Variants in UBE2E1 observed in about 807,000 individuals in gnomAD.
The protein encoded by UBE2E1 is ubiquitin-conjugating enzyme E2 E1.
A neutral mutation model predicts 21.4 loss-of-function variants in UBE2E1; 6 were observed. The ratio of observed to expected loss-of-function variants is 0.28; its 90% confidence interval spans 0.15 to 0.55. The LOEUF (loss-of-function observed/expected upper bound fraction) is 0.55. UBE2E1 is among the 20% of genes least tolerant of loss of function. UBE2E1 has a pLI of 0.93. For missense variants in UBE2E1, 142 were observed against 236.5 expected, an observed-to-expected ratio of 0.60 and a Z score of 2.62; for synonymous variants, 87 against 82.7, an observed-to-expected ratio of 1.05 and a Z score of -0.28.
In UBE2E1 at chr3:23,887,598, T is replaced by C; in HGVS notation, c.235T>C (p.Trp79Arg). 1 of 1,613,146 alleles carries C rather than the reference T, an allele frequency of 6.2e-7. No homozygotes were observed. Residue 79 changes from tryptophan to arginine, a missense_variant, in exon 4 of 6, where the codon TGG becomes CGG. Transcript: ENST00000306627. The surrounding 1 kb of genome is among the most constrained non-coding windows in gnomAD (Gnocchi z 4.4). ...AGPKGDNIYE[W>R]RSTILGPPGS... ...TCCCAAAGGCGATAACATCTATGAA[T>C]GGAGATCAACCATTCTAGGGCCTCC...
intron 3 of UBE2E1, among the ~76,000 whole-genome samples, chr3:23,862,766 C>T (rs1269453748): frequency 6.6e-6 from 1 of 152,104 alleles, no homozygotes; most frequent in Non-Finnish European, 1.5e-5. Flanking sequence ...TGCTCTGTCA[C>T]CCAGGTTGGC....
At chr3:23,844,246 C>G (rs1700149800) in intron 3 of UBE2E1, among the ~76,000 whole-genome samples, 1 of 152,090 alleles carries the variant, frequency 6.6e-6, no homozygotes, top group South Asian at 2.1e-4. Context: ...TTTTCTACTT[C>G]TGCCCCAAAA....
At chr3:23,857,001 TA>T (rs34840201) in intron 3 of UBE2E1, among the ~76,000 whole-genome samples, 46 of 129,784 alleles carry the variant, frequency 3.5e-4, no homozygotes, top group Non-Finnish European at 3.3e-4. Context: ...GGCTGTCTCT[TA>T]AAAAAAAAAA....
intron 2 of UBE2E1, 154 bp downstream of exon 2, chr3:23,807,575 C>T: frequency 1.1e-6 from 1 of 896,850 alleles, no homozygotes; most frequent in Non-Finnish European, 1.6e-6. Flanking sequence ...TAATTATTTT[C>T]TCTATTGCTG....
intron 3 of UBE2E1, among the ~76,000 whole-genome samples, chr3:23,825,810 G>T (rs575698362): frequency 9.2e-5 from 14 of 152,280 alleles, no homozygotes; most frequent in Non-Finnish European, 1.6e-4. Flanking sequence ...GTAGAAAGCC[G>T]TGGGAGAGCT....
chr3:23,822,888 C>T (rs1699675830), intron 3 of UBE2E1, among the ~76,000 whole-genome samples: 1 of 143,058 alleles, frequency 7.0e-6, no homozygotes, highest in African/African-American at 2.5e-5. Context: ...GCTCTGTCGC[C>T]CAGGCTGGAG....
chr3:23,868,529 G>A (rs1421127238), intron 3 of UBE2E1, among the ~76,000 whole-genome samples: 3 of 152,020 alleles, frequency 2.0e-5, no homozygotes, highest in African/African-American at 7.2e-5. Flanking sequence ...GGCTGGTCTC[G>A]ATCTCCTGAC....
rs1398481914 is a variant in UBE2E1 at position 23,863,537 on chromosome 3, T to G, written c.204-24030T>G. 1.3e-5 allele frequency among the ~76,000 whole-genome samples: 2 copies of G among 152,184 alleles called. No individual in the cohort carries two copies. The highest frequency in any genetic ancestry group is 4.8e-5 in the African/African-American group (2 of 41,442). The stretch of plus-strand genomic sequence containing the variant: ...GTTTTATATAAATTTTATTTTACTT[T>G]TTATTTTTTTGAGACGGAGTTTCGC... On this transcript the variant is annotated intron_variant, in intron 3 of 5. Coordinates refer to ENST00000306627, the MANE Select transcript of UBE2E1 (RefSeq NM_003341.5). The surrounding 1 kb of genome is among the most constrained non-coding windows in gnomAD (Gnocchi z 4.3).
At chr3:23,885,589 G>A (rs764099291) in intron 3 of UBE2E1, among the ~76,000 whole-genome samples, 1 of 152,162 alleles carries the variant, frequency 6.6e-6, no homozygotes, top group Non-Finnish European at 1.5e-5. Flanking sequence ...GGCCGGGTGC[G>A]ATGGCTCACA....
chr3:23,848,595 A>G (rs988565101), intron 3 of UBE2E1, among the ~76,000 whole-genome samples: 1 of 152,190 alleles, frequency 6.6e-6, no homozygotes, highest in Non-Finnish European at 1.5e-5. Context: ...GATAATCACA[A>G]TTTTAGAAAA....
rs998955364 is a variant in UBE2E1 at position 23,853,229 on chromosome 3, A to G, written c.204-34338A>G. On this transcript the variant is annotated intron_variant, in intron 3 of 5. Transcript: ENST00000306627. This position sits in a 1 kb window ranked among gnomAD's most constrained non-coding sequence, Gnocchi z 4.1. Reference sequence around the variant, plus strand: ...TTTTCTTGCTGTAATTCACCTGGCTACAACTTCCAGTAAAATATTGAATAG... The same window carrying G: ...TTTTCTTGCTGTAATTCACCTGGCTGCAACTTCCAGTAAAATATTGAATAG... Among the ~76,000 whole-genome samples the G allele has an allele frequency of 1.2e-4, 19 of 152,198 alleles. No individual in the cohort carries two copies. Among genetic ancestry groups the G allele is most frequent in the African/African-American group, 4.6e-4 (19 of 41,442 alleles).
chr3:23,845,004 A>G (rs1700167174), intron 3 of UBE2E1, among the ~76,000 whole-genome samples: 1 of 152,168 alleles, frequency 6.6e-6, no homozygotes, highest in South Asian at 2.1e-4. Context: ...CATAGATGGT[A>G]TAGGGAAATT....
In UBE2E1 at chr3:23,880,251, C is replaced by T. The variant is rs563586653; in HGVS notation, c.204-7316C>T. Among the ~76,000 whole-genome samples the T allele has an allele frequency of 1.6e-4, 24 of 152,300 alleles. No individual in the cohort carries two copies. The East Asian group carries it at 3.3e-3, about 21-fold the overall frequency. ...TACAAAAATTAGCTGGGTGTGGTGGCGGATGCCTGTAATCCCAGCTACTCA... is the reference window on the plus strand; with the variant it reads ...TACAAAAATTAGCTGGGTGTGGTGGTGGATGCCTGTAATCCCAGCTACTCA... On this transcript the variant is annotated intron_variant, in intron 3 of 5. Coordinates refer to ENST00000306627, the MANE Select transcript of UBE2E1 (RefSeq NM_003341.5).
In UBE2E1 at chr3:23,810,850, A is replaced by T. The variant is rs1190989039; in HGVS notation, c.153-610A>T. On this transcript the variant is annotated intron_variant, in intron 2 of 5. Transcript: ENST00000306627. This position sits in a 1 kb window ranked among gnomAD's most constrained non-coding sequence, Gnocchi z 5.8. ...GGGCGGTGGCAGCCCACCGCTGGGG[A>T]GCGACCTGCGGTCTGGGCCTCCCGG... 1 of 169,462 alleles carries T rather than the reference A, an allele frequency of 5.9e-6. No homozygotes were observed. The allele number at this position is 169,462 out of a possible 1,614,324, so 10.5% of individuals were successfully genotyped here.
At chr3:23,888,809 C>G (rs1367400201) in intron 4 of UBE2E1, among the ~76,000 whole-genome samples, 1 of 152,180 alleles carries the variant, frequency 6.6e-6, no homozygotes, top group Middle Eastern at 3.2e-3. Flanking sequence ...CCAGCTAACA[C>G]AAGAGGTCAG....
intron 3 of UBE2E1, among the ~76,000 whole-genome samples, chr3:23,882,533 A>T (rs1344593478): frequency 6.6e-6 from 1 of 151,964 alleles, no homozygotes; most frequent in South Asian, 2.1e-4. Context: ...GTGCGCCCAC[A>T]CTCCTCAACC....
chr3:23,828,955 G>A (rs1332929943), intron 3 of UBE2E1, among the ~76,000 whole-genome samples: 5 of 152,158 alleles, frequency 3.3e-5, no homozygotes, highest in African/African-American at 1.2e-4. Context: ...AGTGGACAGG[G>A]TGGATGGAAG....
At chr3:23,888,263 T>C (rs1212773365) in intron 4 of UBE2E1, 2 of 457,148 alleles carry the variant, frequency 4.4e-6, no homozygotes, top group South Asian at 3.1e-5. Flanking sequence ...CTAGGACAGG[T>C]GAGGATTGCC....
At chr3:23,862,552 G>T (rs1486252261) in intron 3 of UBE2E1, among the ~76,000 whole-genome samples, 1 of 152,134 alleles carries the variant, frequency 6.6e-6, no homozygotes, top group South Asian at 2.1e-4. Context: ...GAATTATGTG[G>T]TGAATCTATA....
Sources: allele counts gnomAD v4.1 joint callset (sites outside exome capture counted in the v4.1 genomes callset), GRCh38; gene constraint gnomAD v4.1.1; non-coding constraint Gnocchi (gnomAD v3.1); transcripts MANE v1.5; gene names NCBI Gene and HGNC (gene_info 2026-07-23, HGNC 2026-07-21).